The following PTPRT variants were observed in gnomAD, a reference collection of about 807,000 sequenced individuals.
PTPRT encodes receptor-type tyrosine-protein phosphatase T.
PTPRT carries 56 observed loss-of-function variants against 176.8 expected under a neutral mutation model. The observed-to-expected ratio is 0.32, with a 90% CI of 0.26 to 0.40. The LOEUF is 0.40. Ranked by LOEUF, PTPRT falls within the 10% of genes least tolerant of loss-of-function variation. The pLI, the probability that PTPRT is intolerant of heterozygous loss-of-function variation, is 1.00. For synonymous variants in PTPRT, 783 were observed against 739.0 expected, an observed-to-expected ratio of 1.06 and a Z score of -0.96; for missense variants, 1,540 against 1,908.2, an observed-to-expected ratio of 0.81 and a Z score of 3.60.
At chr20:42,715,784 C>T (rs770803060) in intron 6 of PTPRT, among the ~76,000 whole-genome samples, 18 of 152,172 alleles carry the variant, frequency 1.2e-4, no homozygotes, top group Non-Finnish European at 2.5e-4. Flanking sequence ...CCCAAAATTG[C>T]TCTACAGACT....
intron 18 of PTPRT, among the ~76,000 whole-genome samples, chr20:42,132,935 G>A (rs1311010076): frequency 1.3e-5 from 2 of 151,960 alleles, no homozygotes; most frequent in Admixed American, 6.6e-5. Context: ...CCTTCAATAG[G>A]TGAATGGATA....
At chr20:42,722,152 C>A (rs3092557) in intron 6 of PTPRT, among the ~76,000 whole-genome samples, 24 of 152,052 alleles carry the variant, frequency 1.6e-4, no homozygotes, top group African/African-American at 5.3e-4. Context: ...CTCACCATAT[C>A]GGGTCTATGA....
At chr20:42,662,634 G>A (rs959782971) in intron 7 of PTPRT, among the ~76,000 whole-genome samples, 1 of 152,138 alleles carries the variant, frequency 6.6e-6, no homozygotes, top group African/African-American at 2.4e-5. Context: ...ATTCACAGAG[G>A]TCAAGCAATT....
rs546515863 is a variant in PTPRT at position 42,198,217 on chromosome 20, T to C, written c.2491+1023A>G. ...CTGGCCAAACACACTTAGCATTGCA[T>C]AGCTTACCTATAAAATGGGAACAAT... is the stretch of plus-strand genomic sequence containing the variant. On this transcript the variant is annotated intron_variant, in intron 16 of 30. Transcript: ENST00000373187. 5.3e-5 allele frequency among the ~76,000 whole-genome samples: 8 copies of C among 152,324 alleles called. No homozygotes were observed. The East Asian group carries it at 1.4e-3, about 26-fold the overall frequency.
rs1985527669 is a variant in PTPRT at position 42,098,531 on chromosome 20, A to G, written c.3736T>C (p.Phe1246Leu). ...LMDSHKQPAA[F>L]VVTQHPLPNT... ...GGTAGAGGGTGCTGGGTGACCACGA[A>G]GGCGGCAGGCTGCTTGTGGCTCTGA... is the stretch of plus-strand genomic sequence containing the variant. The change falls in exon 27 of 31, where the codon TTC becomes CTC. Residue 1246 changes from phenylalanine (F) to leucine (L), a missense_variant. By Grantham distance (22) the Phe-to-Leu change is conservative. Coordinates refer to ENST00000373187, the MANE Select transcript of PTPRT (RefSeq NM_007050.6). 6.2e-7 allele frequency: 1 copy of G among 1,614,186 alleles called. No homozygotes were observed. The highest frequency in any genetic ancestry group is 8.5e-7 in the Non-Finnish European group (1 of 1,180,040).
At chr20:42,997,163 C>T (rs1984267545) in intron 1 of PTPRT, among the ~76,000 whole-genome samples, 2 of 152,140 alleles carry the variant, frequency 1.3e-5, no homozygotes, top group African/African-American at 4.8e-5. Flanking sequence ...ATGACTACAA[C>T]AGTATCTCCC....
At chr20:43,168,659 T>C (rs2014918002) in intron 1 of PTPRT, among the ~76,000 whole-genome samples, 1 of 152,084 alleles carries the variant, frequency 6.6e-6, no homozygotes, top group South Asian at 2.1e-4. Context: ...GAAGAACACA[T>C]CCTGGAGTGA....
chr20:42,563,205 G>C (rs1351413242), intron 7 of PTPRT, among the ~76,000 whole-genome samples: 2 of 152,054 alleles, frequency 1.3e-5, no homozygotes, highest in African/African-American at 4.8e-5. Flanking sequence ...AAAATAATAA[G>C]AGATGTGTAA....
At chr20:42,135,352 T>C (rs1320304987) in intron 18 of PTPRT, among the ~76,000 whole-genome samples, 2 of 152,250 alleles carry the variant, frequency 1.3e-5, no homozygotes, top group Non-Finnish European at 2.9e-5. Context: ...AAATTCAGTT[T>C]TGTTTTTATT....
At chr20:42,933,695 C>T (rs1409270273) in intron 1 of PTPRT, among the ~76,000 whole-genome samples, 3 of 152,186 alleles carry the variant, frequency 2.0e-5, no homozygotes, top group South Asian at 4.1e-4. Context: ...TGCCACCAAC[C>T]GGATGAGCCT....
intron 1 of PTPRT, among the ~76,000 whole-genome samples, chr20:42,996,273 C>A (rs980878267): frequency 1.3e-5 from 2 of 152,284 alleles, no homozygotes; most frequent in African/African-American, 2.4e-5. Flanking sequence ...ATCCTTACAG[C>A]AATCAGCTGA....
intron 1 of PTPRT, among the ~76,000 whole-genome samples, chr20:43,138,526 C>T (rs1462523909): frequency 3.3e-5 from 5 of 152,196 alleles, no homozygotes. Context: ...CTGAGTGAAA[C>T]AAAATACCCG....
rs1553888 is a variant in PTPRT, at chr20:42,806,020, T to A, written c.215-14554A>T. 7.2e-3 allele frequency among the ~76,000 whole-genome samples: 1,094 copies of A among 151,322 alleles called. 15 individuals are homozygous for A. Among genetic ancestry groups the A allele is most frequent in the African/African-American group, 0.025 (1,017 of 41,166 alleles). On this transcript the variant is annotated intron_variant, in intron 2 of 30. Coordinates refer to ENST00000373187, the MANE Select transcript of PTPRT (RefSeq NM_007050.6). ...TAGGGAAGATTTTTTTTTTTTTTTT[T>A]AATCTTACAGCCTTGTTCTTAGGAG... is the stretch of plus-strand genomic sequence containing the variant.
chr20:42,774,266 G>T (rs143800199), intron 4 of PTPRT, among the ~76,000 whole-genome samples: 1,680 of 152,218 alleles, frequency 0.011, 30 homozygotes, highest in African/African-American at 0.039. Flanking sequence ...GAAAAATAAA[G>T]ATTTCTTTAT....
At chr20:43,127,189 A>C (rs938195462) in intron 1 of PTPRT, among the ~76,000 whole-genome samples, 45 of 152,064 alleles carry the variant, frequency 3.0e-4, no homozygotes, top group African/African-American at 7.2e-4. Flanking sequence ...TTTGGGAGGC[A>C]AAGGCGGGCG....
chr20:42,243,160 G>T (rs555950219), intron 14 of PTPRT, among the ~76,000 whole-genome samples: 4 of 152,068 alleles, frequency 2.6e-5, no homozygotes. Flanking sequence ...CCTGGGTGTT[G>T]GAATCCCATC....
intron 2 of PTPRT, among the ~76,000 whole-genome samples, chr20:42,793,570 G>A (rs929414779): frequency 1.3e-5 from 2 of 152,184 alleles, no homozygotes; most frequent in Admixed American, 6.5e-5. Context: ...AAAGGTGCGG[G>A]TGTCTTTGCC....
chr20:42,451,872 G>A (rs2070836230), intron 8 of PTPRT, among the ~76,000 whole-genome samples: 3 of 152,208 alleles, frequency 2.0e-5, no homozygotes, highest in Admixed American at 2.0e-4. Flanking sequence ...AATGCTGGCT[G>A]TGAAAAGGAG....
intron 11 of PTPRT, among the ~76,000 whole-genome samples, chr20:42,344,442 G>T (rs2058157663): frequency 6.6e-6 from 1 of 152,212 alleles, no homozygotes; most frequent in Non-Finnish European, 1.5e-5. Flanking sequence ...AGAGCATAAT[G>T]GTCTTAGGTC....
Sources: allele counts gnomAD v4.1 joint callset (sites outside exome capture counted in the v4.1 genomes callset), GRCh38; gene constraint gnomAD v4.1.1; transcripts MANE v1.5; gene names NCBI Gene and HGNC (gene_info 2026-07-23, HGNC 2026-07-21).